Variants in ZNF804A observed in about 807,000 individuals in gnomAD.
ZNF804A encodes the protein zinc finger protein 804A.
In ZNF804A, 2 loss-of-function variants were observed where a neutral mutation model predicts 16.5. The ratio of observed to expected loss-of-function variants is 0.12; its 90% CI spans 0.05 to 0.38. The LOEUF (loss-of-function observed/expected upper bound fraction) is 0.38. ZNF804A is among the 10% of genes least tolerant of loss of function. The pLI is 0.99. For missense variants in ZNF804A, 1,473 were observed against 1,390.7 expected (o/e 1.06, Z -0.94); for synonymous variants, 534 against 489.6 (o/e 1.09, Z -1.20).
intron 1 of ZNF804A, among the ~76,000 whole-genome samples, chr2:184,761,473 T>G (rs1287950401): frequency 6.6e-6 from 1 of 152,066 alleles, no homozygotes; most frequent in Non-Finnish European, 1.5e-5. Context: ...ATAAAATGAT[T>G]GAAATAGCAT....
intron 1 of ZNF804A, among the ~76,000 whole-genome samples, chr2:184,771,437 T>A (rs1694211902): frequency 6.6e-6 from 1 of 151,840 alleles, no homozygotes; most frequent in Non-Finnish European, 1.5e-5. Flanking sequence ...GCAGTTAAGA[T>A]GTCTATTGCA....
intron 1 of ZNF804A, among the ~76,000 whole-genome samples, chr2:184,809,025 T>G: frequency 6.6e-6 from 1 of 151,818 alleles, no homozygotes; most frequent in East Asian, 1.9e-4. Flanking sequence ...ATCAGAGATC[T>G]AATGAAAAAT....
intron 2 of ZNF804A, among the ~76,000 whole-genome samples, chr2:184,919,020 A>G (rs1685492841): frequency 6.6e-6 from 1 of 152,230 alleles, no homozygotes; most frequent in Admixed American, 6.5e-5. Flanking sequence ...AGGGTGGTAG[A>G]AAACATGGTA....
At chr2:184,771,611 G>T in intron 1 of ZNF804A, among the ~76,000 whole-genome samples, 1 of 136,856 alleles carries the variant, frequency 7.3e-6, no homozygotes, top group African/African-American at 2.5e-5. Flanking sequence ...AAAAAAAAAA[G>T]AAGATGTCTA....
intron 1 of ZNF804A, among the ~76,000 whole-genome samples, chr2:184,758,461 A>G (rs919225353): frequency 3.3e-5 from 5 of 151,952 alleles, no homozygotes; most frequent in African/African-American, 1.2e-4. Context: ...TAATTAACTG[A>G]ATTTAACAGG....
intron 2 of ZNF804A, among the ~76,000 whole-genome samples, chr2:184,925,035 C>G (rs1020273048): frequency 6.6e-6 from 1 of 151,716 alleles, no homozygotes; most frequent in Non-Finnish European, 1.5e-5. Flanking sequence ...TGAAATGTGT[C>G]GTAAATATCT....
At chr2:184,885,463 T>A (rs948299971) in intron 2 of ZNF804A, among the ~76,000 whole-genome samples, 1 of 152,058 alleles carries the variant, frequency 6.6e-6, no homozygotes, top group African/African-American at 2.4e-5. Context: ...GTAGAGTGGA[T>A]TAAAAAAATG....
At chr2:184,612,435 A>AT (rs71403979) in intron 1 of ZNF804A, among the ~76,000 whole-genome samples, 22,907 of 142,664 alleles carry the variant, frequency 0.16, 1,903 homozygotes, top group Middle Eastern at 0.24. Flanking sequence ...GAAAGATGTA[A>AT]TTTTTTTTTT....
intron 2 of ZNF804A, among the ~76,000 whole-genome samples, chr2:184,867,697 T>C (rs1280170323): frequency 6.6e-6 from 1 of 152,172 alleles, no homozygotes; most frequent in Non-Finnish European, 1.5e-5. Flanking sequence ...TAAAAATACA[T>C]ACATAAGTAT....
intron 1 of ZNF804A, among the ~76,000 whole-genome samples, chr2:184,816,661 T>C (rs1694987899): frequency 6.6e-6 from 1 of 152,032 alleles, no homozygotes; most frequent in South Asian, 2.1e-4. Context: ...TCAAGCCTTC[T>C]TTAGATTCCC....
chr2:184,642,451 G>C (rs1376379916), intron 1 of ZNF804A, among the ~76,000 whole-genome samples: 8 of 152,030 alleles, frequency 5.3e-5, no homozygotes, highest in African/African-American at 9.7e-5. Context: ...CAGAAAGGAT[G>C]GTTTAAAGTT....
chr2:184,789,271 C>A (rs139507487), intron 1 of ZNF804A, among the ~76,000 whole-genome samples: 1 of 152,150 alleles, frequency 6.6e-6, no homozygotes, highest in East Asian at 1.9e-4. Flanking sequence ...CTGTGTTCAT[C>A]AGTGATATTG....
chr2:184,812,386 C>T (rs1314123678), intron 1 of ZNF804A, among the ~76,000 whole-genome samples: 1 of 152,136 alleles, frequency 6.6e-6, no homozygotes, highest in Non-Finnish European at 1.5e-5. Flanking sequence ...CAATTCCTTA[C>T]AGTTTCTTTC....
At chr2:184,834,261 T>A (rs1182151749) in intron 1 of ZNF804A, among the ~76,000 whole-genome samples, 1 of 152,094 alleles carries the variant, frequency 6.6e-6, no homozygotes, top group Non-Finnish European at 1.5e-5. Context: ...ATTTGGCCAC[T>A]GGAAGATTCT....
intron 2 of ZNF804A, among the ~76,000 whole-genome samples, chr2:184,887,220 A>G (rs1426452094): frequency 1.3e-5 from 2 of 152,232 alleles, no homozygotes; most frequent in Non-Finnish European, 2.9e-5. Flanking sequence ...TTGCTAAAAC[A>G]TAACAAGAGT....
chr2:184,849,422 T>C (rs1558981273), intron 1 of ZNF804A, among the ~76,000 whole-genome samples: 1 of 151,842 alleles, frequency 6.6e-6, no homozygotes, highest in Admixed American at 6.6e-5. Flanking sequence ...TATGGAAGAA[T>C]GGAAAGAGAC....
intron 1 of ZNF804A, among the ~76,000 whole-genome samples, chr2:184,812,233 C>A (rs1381823922): frequency 6.6e-6 from 1 of 152,140 alleles, no homozygotes; most frequent in Non-Finnish European, 1.5e-5. Flanking sequence ...ATGGCCATGT[C>A]TTTTCTAGTC....
At chr2:184,821,414 C>G (rs1574227940) in intron 1 of ZNF804A, among the ~76,000 whole-genome samples, 1 of 152,136 alleles carries the variant, frequency 6.6e-6, no homozygotes, top group African/African-American at 2.4e-5. Context: ...AAAATTAACC[C>G]AAGGTGGATT....
chr2:184,824,548 T>C (rs1278376644), intron 1 of ZNF804A, among the ~76,000 whole-genome samples: 1 of 152,192 alleles, frequency 6.6e-6, no homozygotes, highest in African/African-American at 2.4e-5. Context: ...TTACGTTTTA[T>C]ATTTTCTCAT....
Sources: allele counts gnomAD v4.1 joint callset (sites outside exome capture counted in the v4.1 genomes callset), GRCh38; gene constraint gnomAD v4.1.1; transcripts MANE v1.5; gene names NCBI Gene and HGNC (gene_info 2026-07-23, HGNC 2026-07-21).